SNX25: variants seen among roughly 807,000 people sequenced by gnomAD.
SNX25 encodes sorting nexin 25.
A neutral mutation model predicts 113.7 loss-of-function variants in SNX25; 62 were observed. The ratio of observed to expected loss-of-function variants is 0.55; its 90% CI spans 0.44 to 0.67. SNX25 has a LOEUF of 0.67. Ranked by LOEUF, SNX25 falls within the 30% of genes least tolerant of loss-of-function variation. The probability of loss-of-function intolerance (pLI) is 0.00; values close to 1 mark genes in which losing one functional copy is unlikely to be tolerated. For synonymous variants in SNX25, 421 were observed against 436.2 expected (o/e 0.97, Z 0.43); for missense variants, 1,014 against 1,161.0 (o/e 0.87, Z 1.84).
At chr4:185,249,321 T>G (rs962983013) in intron 2 of SNX25, among the ~76,000 whole-genome samples, 2 of 152,202 alleles carry the variant, frequency 1.3e-5, no homozygotes, top group African/African-American at 4.8e-5. Flanking sequence ...GTTTTGTTCC[T>G]CTTTTAGCCA....
chr4:185,272,521 T>A (rs962615071), intron 5 of SNX25, among the ~76,000 whole-genome samples: 1 of 152,200 alleles, frequency 6.6e-6, no homozygotes, highest in Non-Finnish European at 1.5e-5. Context: ...TGGTTTGTTC[T>A]TCCACAAATA....
intron 6 of SNX25, among the ~76,000 whole-genome samples, chr4:185,295,331 C>T (rs1048125898): frequency 6.6e-6 from 1 of 152,002 alleles, no homozygotes; most frequent in Non-Finnish European, 1.5e-5. Flanking sequence ...AACAGATGGA[C>T]GATCCTAGGA....
intron 5 of SNX25, among the ~76,000 whole-genome samples, chr4:185,287,334 T>TAAAAATACTG (rs1421761937): frequency 6.6e-6 from 1 of 152,226 alleles, no homozygotes. Context: ...AGGAGAGCTT[T>TAAAAATACTG]AAAAATACTG....
chr4:185,336,105 T>C (rs1352491093), intron 10 of SNX25, among the ~76,000 whole-genome samples: 1 of 152,256 alleles, frequency 6.6e-6, no homozygotes, highest in Non-Finnish European at 1.5e-5. Flanking sequence ...TTAAAAGATA[T>C]TATTTATTTT....
At chr4:185,221,117 C>T (rs1739775894) in intron 1 of SNX25, among the ~76,000 whole-genome samples, 1 of 151,924 alleles carries the variant, frequency 6.6e-6, no homozygotes, top group South Asian at 2.1e-4. Flanking sequence ...ACCGCAACCT[C>T]CACTTCCTGG....
At chr4:185,262,724 T>A (rs912849557) in intron 3 of SNX25, among the ~76,000 whole-genome samples, 28 of 152,202 alleles carry the variant, frequency 1.8e-4, no homozygotes, top group African/African-American at 6.5e-4. Context: ...TGAAACTTTT[T>A]AAATAAAAGA....
At position 185,350,538 on chromosome 4, in the gene SNX25, T is replaced by A. The variant is rs535984250; in HGVS notation, c.2302-907T>A. On this transcript the variant is annotated intron_variant, in intron 13 of 18. Coordinates refer to ENST00000652585, the MANE Select transcript of SNX25 (RefSeq NM_001378034.2). ...GGTCAGGTAAGTACATACAGAACTT[T>A]GGGAACTTTCCAGTTTGAGGGCTGG... Among the ~76,000 whole-genome samples, 3 of 152,346 alleles carry A rather than the reference T, an allele frequency of 2.0e-5. No homozygotes were observed. In the East Asian group the frequency reaches 5.8e-4, roughly 29 times the overall value.
intron 10 of SNX25, among the ~76,000 whole-genome samples, chr4:185,337,085 A>G (rs376293963): frequency 6.6e-5 from 10 of 152,256 alleles, no homozygotes; most frequent in Admixed American, 2.6e-4. Context: ...TGTATAGATC[A>G]TGAAGATTTT....
chr4:185,378,365 A>G, the SNX25 span: 1 of 1,418,788 alleles, frequency 7.0e-7, no homozygotes, highest in Non-Finnish European at 9.2e-7. Flanking sequence ...AACATTCTTT[A>G]CTAGGACACC....
At chr4:185,322,541 T>C (rs1310785514) in intron 8 of SNX25, among the ~76,000 whole-genome samples, 1 of 152,240 alleles carries the variant, frequency 6.6e-6, no homozygotes, top group Admixed American at 6.5e-5. Flanking sequence ...AAACTATATT[T>C]GTTAAGGAAC....
chr4:185,231,724 AAAG>A (rs1393651365), intron 1 of SNX25, among the ~76,000 whole-genome samples: 1 of 151,870 alleles, frequency 6.6e-6, no homozygotes, highest in Non-Finnish European at 1.5e-5. Context: ...AAAAAAAAAA[AAAG>A]CAGGATTTAT....
intron 13 of SNX25, among the ~76,000 whole-genome samples, 189 bp from the exon 14 acceptor site, chr4:185,351,256 G>C (rs1235381177): frequency 6.6e-6 from 1 of 152,200 alleles, no homozygotes; most frequent in African/African-American, 2.4e-5. Flanking sequence ...GGAGGGGATT[G>C]TTTGCCATTA....
At chr4:185,366,309 G>C (rs2095387940), downstream of SNX25, 1 of 152,202 alleles carries the variant, frequency 6.6e-6, no homozygotes, top group East Asian at 1.9e-4. Flanking sequence ...TTACCACAGG[G>C]TTTTAAAAAT....
chr4:185,309,914 G>C (rs1755011039), intron 6 of SNX25, among the ~76,000 whole-genome samples: 1 of 152,208 alleles, frequency 6.6e-6, no homozygotes, highest in South Asian at 2.1e-4. Context: ...TGCACCTCAT[G>C]GCTTCTGCCA....
At chr4:185,331,792 C>G (rs925687850) in intron 9 of SNX25, among the ~76,000 whole-genome samples, 1 of 152,052 alleles carries the variant, frequency 6.6e-6, no homozygotes. Context: ...AAAAAACAAA[C>G]AAAAAAACCC....
intron 6 of SNX25, among the ~76,000 whole-genome samples, chr4:185,304,905 G>A (rs1221137701): frequency 6.6e-6 from 1 of 152,126 alleles, no homozygotes; most frequent in South Asian, 2.1e-4. Context: ...TCCATATGTC[G>A]ATTGCCTGCA....
intron 9 of SNX25, 117 bp downstream of exon 9, chr4:185,323,917 A>T (rs926499898): frequency 4.8e-6 from 5 of 1,046,576 alleles, no homozygotes; most frequent in African/African-American, 1.6e-5. Flanking sequence ...AATATACAGG[A>T]CCTTAAATAG....
At chr4:185,374,197 C>T (rs1459274990), downstream of SNX25, 1 of 1,614,044 alleles carries the variant, frequency 6.2e-7, no homozygotes, top group African/African-American at 1.3e-5. Flanking sequence ...TGAGCCTTCA[C>T]ACTAGCTTTG....
At chr4:185,288,264 CA>C (rs1751623875) in intron 6 of SNX25, among the ~76,000 whole-genome samples, 182 bp downstream of exon 6, 1 of 152,204 alleles carries the variant, frequency 6.6e-6, no homozygotes, top group Non-Finnish European at 1.5e-5. Flanking sequence ...ATCCTAACAA[CA>C]ACCTTTGTCT....
Sources: allele counts gnomAD v4.1 joint callset (sites outside exome capture counted in the v4.1 genomes callset), GRCh38; gene constraint gnomAD v4.1.1; transcripts MANE v1.5; gene names NCBI Gene and HGNC (gene_info 2026-07-23, HGNC 2026-07-21).